The following VWA8 variants were observed in gnomAD, a reference collection of about 807,000 sequenced individuals.
VWA8 encodes von Willebrand factor A domain containing 8.
Under a neutral mutation model 241.5 loss-of-function variants are expected in VWA8, and 221 were observed. That is an observed-to-expected ratio of 0.91 (90% CI 0.82 to 1.02). The LOEUF is 1.02. Among genes scored for constraint, VWA8 ranks in the 50% least tolerant of loss-of-function variants. The pLI is 0.00. For synonymous variants in VWA8, 852 were observed against 827.1 expected, an observed-to-expected ratio of 1.03 and a Z score of -0.52; for missense variants, 2,322 against 2,328.7, an observed-to-expected ratio of 1.00 and a Z score of 0.06.
intron 16 of VWA8, among the ~76,000 whole-genome samples, chr13:41,812,305 G>T (rs1566467078): frequency 6.6e-6 from 1 of 152,154 alleles, no homozygotes; most frequent in Non-Finnish European, 1.5e-5. Flanking sequence ...TTTAGTAAAT[G>T]AGATTATTAC....
At chr13:41,805,514 C>A (rs9594633) in intron 17 of VWA8, among the ~76,000 whole-genome samples, 1 of 152,002 alleles carries the variant, frequency 6.6e-6, no homozygotes, top group Non-Finnish European at 1.5e-5. Context: ...AGAAAATCAA[C>A]GAAGAAATAT....
chr13:41,814,510 AAG>A (rs1266651953), intron 16 of VWA8, among the ~76,000 whole-genome samples: 2 of 152,182 alleles, frequency 1.3e-5, no homozygotes, highest in Admixed American at 6.5e-5. Flanking sequence ...AGGATGCTTC[AAG>A]AGAGTTTGTA....
At chr13:41,757,546 C>G (rs2045703199) in intron 21 of VWA8, among the ~76,000 whole-genome samples, 1 of 151,656 alleles carries the variant, frequency 6.6e-6, no homozygotes, top group South Asian at 2.1e-4. Context: ...GCCATCTACA[C>G]AGTAAACATA....
intron 2 of VWA8, among the ~76,000 whole-genome samples, chr13:41,916,496 A>T (rs1039116103): frequency 3.3e-5 from 5 of 152,220 alleles, no homozygotes; most frequent in African/African-American, 9.6e-5. Flanking sequence ...GGTATGTTTT[A>T]TTCCTTTTAT....
intron 20 of VWA8, among the ~76,000 whole-genome samples, chr13:41,763,303 A>AC (rs2045754626): frequency 7.0e-6 from 1 of 143,830 alleles, no homozygotes; most frequent in Non-Finnish European, 1.5e-5. Flanking sequence ...ATAAATAAAT[A>AC]AATAAATAGA....
At chr13:41,589,216 T>C (rs1447684331) in intron 41 of VWA8, among the ~76,000 whole-genome samples, 1 of 152,286 alleles carries the variant, frequency 6.6e-6, no homozygotes, top group Non-Finnish European at 1.5e-5. Flanking sequence ...CATTTTGTTT[T>C]GCTATTACAT....
At chr13:41,939,356 C>T (rs780459725) in intron 2 of VWA8, among the ~76,000 whole-genome samples, 14 of 152,080 alleles carry the variant, frequency 9.2e-5, no homozygotes, top group Non-Finnish European at 1.8e-4. Flanking sequence ...CTTAAGATTC[C>T]GTTTTCACAT....
chr13:41,943,134 A>G (rs1312939265), intron 2 of VWA8, among the ~76,000 whole-genome samples: 1 of 152,240 alleles, frequency 6.6e-6, no homozygotes, highest in African/African-American at 2.4e-5. Context: ...TGAAATAACA[A>G]ATGGACAAGC....
chr13:41,812,612 G>A (rs1870520593), intron 16 of VWA8, among the ~76,000 whole-genome samples: 1 of 151,952 alleles, frequency 6.6e-6, no homozygotes, highest in South Asian at 2.1e-4. Flanking sequence ...ATGTCCCAAA[G>A]AAGAAAAAAA....
intron 28 of VWA8, among the ~76,000 whole-genome samples, 183 bp downstream of exon 28, chr13:41,701,209 C>T (rs771617017): frequency 1.3e-5 from 2 of 152,072 alleles, no homozygotes; most frequent in African/African-American, 2.4e-5. Flanking sequence ...ATGTGGATTC[C>T]ACAATAGCAT....
chr13:41,625,674 C>T (rs1021622846), intron 37 of VWA8, among the ~76,000 whole-genome samples: 20 of 151,922 alleles, frequency 1.3e-4, no homozygotes, highest in Admixed American at 4.6e-4. Context: ...GACAGTGTGG[C>T]GATTCCTCAG....
intron 38 of VWA8, among the ~76,000 whole-genome samples, chr13:41,612,728 G>A (rs73464946): frequency 0.022 from 3,367 of 152,202 alleles, 133 homozygotes; most frequent in African/African-American, 0.073. Context: ...AACTTAGAAG[G>A]GAATCCAATA....
At chr13:41,913,634 A>T (rs951160079) in intron 2 of VWA8, among the ~76,000 whole-genome samples, 2 of 152,224 alleles carry the variant, frequency 1.3e-5, no homozygotes, top group Non-Finnish European at 1.5e-5. Flanking sequence ...GCAAACATTT[A>T]ATCTTTGGAA....
chr13:41,936,439 A>G (rs1877354753), intron 2 of VWA8, among the ~76,000 whole-genome samples: 1 of 152,184 alleles, frequency 6.6e-6, no homozygotes, highest in Non-Finnish European at 1.5e-5. Flanking sequence ...TTATTTCTCT[A>G]TCATTTGTGT....
chr13:41,582,587 T>C lies in VWA8; in HGVS notation c.5271+4925A>G, dbSNP rs143926379. ...ATTCTGGGCTATGGAATATATATTTTTCTCTAGGAGCTCCTCAAACTGTCT... is the reference window on the plus strand; with the variant it reads ...ATTCTGGGCTATGGAATATATATTTCTCTCTAGGAGCTCCTCAAACTGTCT... On this transcript the variant is annotated intron_variant, in intron 42 of 44. Transcript: ENST00000379310. Among the ~76,000 whole-genome samples, 8 of 152,346 alleles carry C rather than the reference T, an allele frequency of 5.3e-5. No individual in the cohort carries two copies. The East Asian group carries it at 1.5e-3, about 29-fold the overall frequency.
intron 17 of VWA8, among the ~76,000 whole-genome samples, chr13:41,796,390 G>T (rs565121817): frequency 2.0e-5 from 3 of 152,012 alleles, no homozygotes; most frequent in Non-Finnish European, 2.9e-5. Flanking sequence ...GTTATGGGTC[G>T]ATTTGAATTT....
chr13:41,685,060 A>G lies in VWA8; in HGVS notation c.4314T>C (p.Asp1438=), dbSNP rs1205873821. The G allele has an allele frequency of 6.2e-7, 1 of 1,612,948 alleles. No homozygotes were observed. Among genetic ancestry groups the G allele is most frequent in the Admixed American group, 1.7e-5 (1 of 59,712 alleles). ...ILPPGEVPLK[D]IYPKDVTPPQ... ...GTTCCTTCTTACCTTTTGGGTAGATATCTTTTAGAGGGACTTCTCCTGGGG... is the reference window on the plus strand; with the variant it reads ...GTTCCTTCTTACCTTTTGGGTAGATGTCTTTTAGAGGGACTTCTCCTGGGG... The change falls in exon 35 of 45, where the codon GAT becomes GAC. Residue 1438 remains aspartate (D), a synonymous_variant. Coordinates refer to ENST00000379310, the MANE Select transcript of VWA8 (RefSeq NM_015058.2).
chr13:41,617,772 G>C (rs2044630976), intron 37 of VWA8, among the ~76,000 whole-genome samples: 1 of 151,558 alleles, frequency 6.6e-6, no homozygotes, highest in South Asian at 2.1e-4. Flanking sequence ...AGTTTGCTCA[G>C]AATGATGGTT....
Position 41,819,389 on chromosome 13 carries a change from A to G in VWA8, c.1701-3T>C, listed in dbSNP as rs764337396. 3.1e-6 allele frequency: 5 copies of G among 1,590,192 alleles called. No individual in the cohort carries two copies. The Admixed American group carries it at 9.8e-5, about 31-fold the overall frequency. ...AGGGATGGATAGGAAAAATGGATCT[A>G]AAATAGGAAAAAAAATGAAAAAAAA... On this transcript the variant is annotated splice_region_variant and splice_polypyrimidine_tract_variant and intron_variant, in intron 14 of 44. Transcript: ENST00000379310.
Sources: allele counts gnomAD v4.1 joint callset (sites outside exome capture counted in the v4.1 genomes callset), GRCh38; gene constraint gnomAD v4.1.1; transcripts MANE v1.5; gene names NCBI Gene and HGNC (gene_info 2026-07-23, HGNC 2026-07-21).